NRXN3: variants seen among roughly 807,000 people sequenced by gnomAD.
NRXN3 encodes the protein neurexin 3, also known as neurexin III.
Under a neutral mutation model 137.6 loss-of-function variants are expected in NRXN3, and 32 were observed. That is an observed-to-expected ratio of 0.23 (90% CI 0.18 to 0.31). The LOEUF is 0.31. Ranked by LOEUF, NRXN3 falls within the 10% of genes least tolerant of loss-of-function variation. The pLI, the probability that NRXN3 is intolerant of heterozygous loss-of-function variation, is 1.00. For synonymous variants in NRXN3, 798 were observed against 784.5 expected (o/e 1.02, Z -0.29); for missense variants, 1,574 against 2,062.5 (o/e 0.76, Z 4.59).
chr14:79,172,534 T>C (rs1257660577), intron 15 of NRXN3, among the ~76,000 whole-genome samples: 1 of 152,134 alleles, frequency 6.6e-6, no homozygotes, highest in Non-Finnish European at 1.5e-5. Flanking sequence ...CAAATCACAA[T>C]AGATAGCAAA....
intron 10 of NRXN3, among the ~76,000 whole-genome samples, chr14:78,824,757 G>A (rs1456472717): frequency 6.6e-6 from 1 of 151,984 alleles, no homozygotes; most frequent in Non-Finnish European, 1.5e-5. Flanking sequence ...GCACAACGGG[G>A]TGACCACAGT....
rs1271088609 is a variant in NRXN3, at chr14:79,516,379, G to A, written c.3444+48977G>A. Among the ~76,000 whole-genome samples the A allele has an allele frequency of 9.2e-5, 14 of 152,246 alleles. No homozygotes were observed. In the East Asian group the frequency reaches 1.7e-3, roughly 19 times the overall value. ...GGACTCAGATGCTCTCCAGTCACAA[G>A]AGAGTTTGTAAATATGATTTAAAAA... On this transcript the variant is annotated intron_variant, in intron 16 of 20. Coordinates refer to ENST00000335750, the MANE Select transcript of NRXN3 (RefSeq NM_001330195.2).
chr14:78,810,048 A>G (rs2098901634), intron 9 of NRXN3, among the ~76,000 whole-genome samples: 1 of 151,762 alleles, frequency 6.6e-6, no homozygotes, highest in Admixed American at 6.6e-5. Flanking sequence ...TTTGGTGTCT[A>G]CTGTGGATAT....
intron 8 of NRXN3, among the ~76,000 whole-genome samples, chr14:78,779,492 T>C (rs1165482152): frequency 6.6e-6 from 1 of 151,650 alleles, no homozygotes; most frequent in Admixed American, 6.6e-5. Context: ...GCCAATGGAG[T>C]AAGACAAAAC....
intron 15 of NRXN3, among the ~76,000 whole-genome samples, chr14:79,184,044 G>A (rs566706392): frequency 6.6e-6 from 1 of 152,244 alleles, no homozygotes; most frequent in African/African-American, 2.4e-5. Flanking sequence ...GCATCAGATT[G>A]CCTAGAGCTC....
intron 4 of NRXN3, among the ~76,000 whole-genome samples, chr14:78,517,226 C>A (rs1341236583): frequency 1.3e-5 from 2 of 151,982 alleles, no homozygotes; most frequent in Non-Finnish European, 2.9e-5. Context: ...TGGAGTATGG[C>A]CAATAACTTT....
At chr14:79,699,592 T>C (rs991771926) in intron 19 of NRXN3, among the ~76,000 whole-genome samples, 1 of 152,030 alleles carries the variant, frequency 6.6e-6, no homozygotes, top group African/African-American at 2.4e-5. Context: ...GGGAATAAAC[T>C]GGGTGAGTTC....
intron 16 of NRXN3, among the ~76,000 whole-genome samples, chr14:79,498,837 T>A (rs994045161): frequency 6.6e-6 from 1 of 152,176 alleles, no homozygotes; most frequent in Non-Finnish European, 1.5e-5. Context: ...CATGCTGGAG[T>A]GCAGTGGCAC....
intron 16 of NRXN3, among the ~76,000 whole-genome samples, chr14:79,631,543 C>G (rs966732731): frequency 2.0e-5 from 3 of 152,248 alleles, no homozygotes; most frequent in Non-Finnish European, 2.9e-5. Context: ...GCGCAGCCGG[C>G]TGATGCCTGC....
At chr14:78,739,065 A>G (rs141689680) in intron 8 of NRXN3, among the ~76,000 whole-genome samples, 28 of 152,270 alleles carry the variant, frequency 1.8e-4, no homozygotes, top group Middle Eastern at 3.4e-3. Flanking sequence ...TCTTCCCCAG[A>G]TCCTATTCTC....
chr14:78,966,464 T>C (rs2099417446), intron 12 of NRXN3, 58 bp downstream of exon 12: 3 of 1,524,604 alleles, frequency 2.0e-6, no homozygotes, highest in African/African-American at 1.4e-5. Flanking sequence ...AAGCTCTACG[T>C]AAAATATGGA....
At position 78,655,492 on chromosome 14, in the gene NRXN3, G is replaced by A. The variant is rs144720009; in HGVS notation, c.1221+4166G>A. On this transcript the variant is annotated intron_variant, in intron 6 of 20. Transcript: ENST00000335750. Reference sequence around the variant, plus strand: ...AAATTCTATCATAATGCAAAAATAGGGATAACTCATCCCACCTGCCCTCAA... The same window carrying A: ...AAATTCTATCATAATGCAAAAATAGAGATAACTCATCCCACCTGCCCTCAA... 1.7e-3 allele frequency among the ~76,000 whole-genome samples: 265 copies of A among 151,940 alleles called. 1 individual carries two copies. Among genetic ancestry groups the A allele is most frequent in the African/African-American group, 6.1e-3 (254 of 41,428 alleles).
At chr14:78,855,777 C>G (rs1448051345) in intron 10 of NRXN3, among the ~76,000 whole-genome samples, 1 of 152,052 alleles carries the variant, frequency 6.6e-6, no homozygotes, top group Non-Finnish European at 1.5e-5. Context: ...GTATACCTTC[C>G]TAGAATATAC....
intron 4 of NRXN3, among the ~76,000 whole-genome samples, chr14:78,532,903 A>G (rs1238327152): frequency 6.6e-6 from 1 of 151,984 alleles, no homozygotes; most frequent in Non-Finnish European, 1.5e-5. Flanking sequence ...TGACACCACT[A>G]TCTATCTCAG....
intron 4 of NRXN3, among the ~76,000 whole-genome samples, chr14:78,568,098 C>G (rs1239353498): frequency 6.6e-6 from 1 of 152,122 alleles, no homozygotes; most frequent in Non-Finnish European, 1.5e-5. Flanking sequence ...GCAGTGGATG[C>G]TGGTAGGGGA....
At chr14:78,861,639 T>G (rs1021788192) in intron 10 of NRXN3, among the ~76,000 whole-genome samples, 1 of 152,190 alleles carries the variant, frequency 6.6e-6, no homozygotes, top group Non-Finnish European at 1.5e-5. Flanking sequence ...CATGATGCTG[T>G]GCTGTCATAG....
At chr14:79,233,717 T>A (rs1286474673) in intron 15 of NRXN3, among the ~76,000 whole-genome samples, 2 of 151,854 alleles carry the variant, frequency 1.3e-5, no homozygotes, top group African/African-American at 4.8e-5. Context: ...AGAAACTTTA[T>A]AACGAGGATT....
intron 1 of NRXN3, among the ~76,000 whole-genome samples, chr14:78,216,899 TG>T (rs2063343624): frequency 1.3e-5 from 2 of 152,130 alleles, no homozygotes; most frequent in Non-Finnish European, 2.9e-5. Context: ...CATCATCACA[TG>T]GTTGTCTTCC....
chr14:79,262,731 C>G (rs1455820448), intron 15 of NRXN3, among the ~76,000 whole-genome samples: 1 of 152,182 alleles, frequency 6.6e-6, no homozygotes, highest in Non-Finnish European at 1.5e-5. Flanking sequence ...GTGCTGCACA[C>G]ATACAGGGCC....
Sources: gnomAD v4.1 joint callset for allele counts (sites outside exome capture counted in the v4.1 genomes callset) on GRCh38, gnomAD v4.1.1 for gene constraint, MANE v1.5 for transcripts, NCBI Gene and HGNC (gene_info 2026-07-23, HGNC 2026-07-21) for gene names.